The following PLAGL1 variants were observed in gnomAD, a reference collection of about 807,000 sequenced individuals.
PLAGL1 encodes the protein zinc finger protein PLAGL1.
A neutral mutation model predicts 4.6 loss-of-function variants in PLAGL1; 1 was observed. The ratio of observed to expected loss-of-function variants is 0.22; its 90% confidence interval spans 0.08 to 1.03. PLAGL1 has a LOEUF of 1.03. Ranked by LOEUF, PLAGL1 falls within the 50% of genes least tolerant of loss-of-function variation. The pLI is 0.58. For missense variants in PLAGL1, 464 were observed against 570.4 expected (o/e 0.81, Z 1.90); for synonymous variants, 240 against 237.8 (o/e 1.01, Z -0.08).
intron 1 of PLAGL1, among the ~76,000 whole-genome samples, chr6:144,041,497 A>G (rs1176781569): frequency 6.6e-6 from 1 of 152,134 alleles, no homozygotes; most frequent in Non-Finnish European, 1.5e-5. Flanking sequence ...CCATGTCCCT[A>G]AAAAGGACAT....
In PLAGL1 at chr6:143,954,285, G is replaced by A. The variant is rs1005913555; in HGVS notation, c.-324-5825C>T. On this transcript the variant is annotated intron_variant, in intron 6 of 7. Transcript: ENST00000674357. The surrounding 1 kb of genome is among the most constrained non-coding windows in gnomAD (Gnocchi z 5.1). The stretch of plus-strand genomic sequence containing the variant: ...TTAATAGGGAAAACTGACACAAAAA[G>A]TAACGGGGAAAAAAAGACTACGGGG... Among the ~76,000 whole-genome samples the A allele has an allele frequency of 2.0e-5, 3 of 151,976 alleles. No homozygotes were observed. Among genetic ancestry groups the A allele is most frequent in the African/African-American group, 4.8e-5 (2 of 41,394 alleles).
intron 1 of PLAGL1, among the ~76,000 whole-genome samples, chr6:144,033,577 A>T (rs886541706): frequency 6.6e-6 from 1 of 152,234 alleles, no homozygotes; most frequent in African/African-American, 2.4e-5. Context: ...AACTGCAGTA[A>T]GGATGATCTT....
Position 143,947,381 on chromosome 6 carries a change from T to C in PLAGL1, c.152+604A>G, listed in dbSNP as rs962516781. 4.6e-5 allele frequency among the ~76,000 whole-genome samples: 7 copies of C among 152,238 alleles called. No individual in the cohort carries two copies. Among genetic ancestry groups the C allele is most frequent in the Non-Finnish European group, 8.8e-5 (6 of 68,036 alleles). On this transcript the variant is annotated intron_variant, in intron 7 of 7. Transcript: ENST00000674357. The surrounding 1 kb of genome is among the most constrained non-coding windows in gnomAD (Gnocchi z 4.3). ...TTCAAATTATTATCTGAGTCCTCTT[T>C]CTAGGATACTAAACGAATCATATTT...
Position 144,021,162 on chromosome 6 carries a change from C to T in PLAGL1, c.-151+43306G>A, listed in dbSNP as rs370618995. 4.0e-4 allele frequency among the ~76,000 whole-genome samples: 61 copies of T among 152,012 alleles called. No homozygotes were observed. The South Asian group carries it at 4.6e-3, about 11-fold the overall frequency. On this transcript the variant is annotated intron_variant, in intron 1 of 3. Coordinates refer to the PLAGL1 transcript ENST00000437412. ...TGTAGAGCACAGAAACAGAACTAAACGGGTAAGAGGTCAAACCTATGCGGT... is the reference window on the plus strand; with the variant it reads ...TGTAGAGCACAGAAACAGAACTAAATGGGTAAGAGGTCAAACCTATGCGGT...
In PLAGL1 at chr6:143,968,014, A is replaced by AC. The variant is rs1554258939; in HGVS notation, c.-472+892_-472+893insG. The AC allele has an allele frequency of 2.1e-3, 315 of 151,608 alleles. 1 individual carries two copies. The highest frequency in any genetic ancestry group is 7.2e-3 in the African/African-American group (298 of 41,404). The allele number at this position is 151,608 out of a possible 1,614,324, so 9.4% of individuals were successfully genotyped here. On this transcript the variant is annotated intron_variant, in intron 3 of 7. Transcript: ENST00000674357. This position sits in a 1 kb window ranked among gnomAD's most constrained non-coding sequence, Gnocchi z 6.3. ...ACATTTTGCAAAAAAAAAAAAAAAA[A>AC]AAAACAGTCTGGAGAGAGGCCAAGA...
At position 143,994,608 on chromosome 6, in the gene PLAGL1, G is replaced by A. The variant is rs981006132; in HGVS notation, c.-583-9434C>T. ...ATTCGCAAAAAAATGTATGGAAGAT[G>A]ATGAGAGACAGCAGTGTGACCACTG... On this transcript the variant is annotated intron_variant, in intron 1 of 7. Coordinates refer to ENST00000674357, the MANE Select transcript of PLAGL1 (RefSeq NM_001317162.2). The surrounding 1 kb of genome is among the most constrained non-coding windows in gnomAD (Gnocchi z 4.3). Among the ~76,000 whole-genome samples, 1 of 152,184 alleles carries A rather than the reference G, an allele frequency of 6.6e-6. No individual in the cohort carries two copies. Among genetic ancestry groups the A allele is most frequent in the Non-Finnish European group, 1.5e-5 (1 of 68,032 alleles).
intron 1 of PLAGL1, among the ~76,000 whole-genome samples, chr6:144,029,540 C>G (rs1384431166): frequency 2.0e-5 from 3 of 152,212 alleles, no homozygotes; most frequent in Non-Finnish European, 4.4e-5. Flanking sequence ...GCTCTTAAGT[C>G]TATTAAAAGA....
chr6:144,020,831 TAATATAATATATATAA>T (rs1025768177), intron 1 of PLAGL1, among the ~76,000 whole-genome samples: 8 of 145,514 alleles, frequency 5.5e-5, no homozygotes, highest in African/African-American at 2.0e-4. Flanking sequence ...ATATTATATA[TAATATAATATATATAA>T]AATATAATTA....
In PLAGL1 at chr6:144,005,618, C is replaced by T. The variant is rs1794009092; in HGVS notation, c.-584+2472G>A. ...TTAGAAAAATATTCAGAATACATTTCATTAATAGTAGAGTATCTTAAGACA... is the reference window on the plus strand; with the variant it reads ...TTAGAAAAATATTCAGAATACATTTTATTAATAGTAGAGTATCTTAAGACA... On this transcript the variant is annotated intron_variant, in intron 1 of 7. Transcript: ENST00000674357. This position sits in a 1 kb window ranked among gnomAD's most constrained non-coding sequence, Gnocchi z 4.6. The T allele has an allele frequency of 1.3e-5, 2 of 152,076 alleles. No homozygotes were observed. Among genetic ancestry groups the T allele is most frequent in the South Asian group, 4.1e-4 (2 of 4,830 alleles). 9.4% of individuals were successfully genotyped at this position (152,076 alleles called of 1,614,324 possible).
chr6:144,021,649 T>A (rs1294121625), intron 1 of PLAGL1, among the ~76,000 whole-genome samples: 1 of 152,234 alleles, frequency 6.6e-6, no homozygotes, highest in Non-Finnish European at 1.5e-5. Context: ...ATTTGATTTT[T>A]CTCCTATTGT....
intron 1 of PLAGL1, among the ~76,000 whole-genome samples, chr6:144,028,235 T>C (rs1796519399): frequency 6.6e-6 from 1 of 152,226 alleles, no homozygotes; most frequent in Non-Finnish European, 1.5e-5. Context: ...CCAAAGTATA[T>C]TAGTATAAAA....
rs61246147 is a variant in PLAGL1, at chr6:143,996,825, A to C, written c.-584+11265T>G. 6.7e-3 allele frequency among the ~76,000 whole-genome samples: 1,016 copies of C among 152,294 alleles called. 44 individuals carry two copies. The East Asian group carries it at 0.11, about 17-fold the overall frequency. On this transcript the variant is annotated intron_variant, in intron 1 of 7. Coordinates refer to ENST00000674357, the MANE Select transcript of PLAGL1 (RefSeq NM_001317162.2). Reference sequence around the variant, plus strand: ...TCCTCAAAAGATTCTAGAGCAATTAAATCTCGATCCTGAAAAAAATTAACC... The same window carrying C: ...TCCTCAAAAGATTCTAGAGCAATTACATCTCGATCCTGAAAAAAATTAACC...
chr6:144,052,343 C>G (rs749945292), intron 1 of PLAGL1, among the ~76,000 whole-genome samples: 1 of 152,074 alleles, frequency 6.6e-6, no homozygotes, highest in Non-Finnish European at 1.5e-5. Context: ...CAATAAGGGT[C>G]CTTTAGAATT....
At position 144,039,888 on chromosome 6, in the gene PLAGL1, T is replaced by C. The variant is rs576732576; in HGVS notation, c.-151+24580A>G. ...GTCTATCAACAAGAAAATTAATACA[T>C]TGTGGCACATAATGGCATCCTTATG... On this transcript the variant is annotated intron_variant, in intron 1 of 3. Coordinates refer to the PLAGL1 transcript ENST00000437412. This position sits in a 1 kb window ranked among gnomAD's most constrained non-coding sequence, Gnocchi z 4.1. Among the ~76,000 whole-genome samples, 7 of 152,304 alleles carry C rather than the reference T, an allele frequency of 4.6e-5. No homozygotes were observed. Among genetic ancestry groups the C allele is most frequent in the Non-Finnish European group, 7.3e-5 (5 of 68,034 alleles).
chr6:144,049,694 C>G, intron 1 of PLAGL1, among the ~76,000 whole-genome samples: 1 of 152,134 alleles, frequency 6.6e-6, no homozygotes, highest in East Asian at 1.9e-4. Flanking sequence ...AGGTCTCTCC[C>G]TAGACATGTA....
chr6:144,045,570 T>C (rs1029051816), intron 1 of PLAGL1, among the ~76,000 whole-genome samples: 8 of 152,248 alleles, frequency 5.3e-5, no homozygotes, highest in Admixed American at 2.6e-4. Flanking sequence ...GTTTGTCTGA[T>C]GGGCTTCCCT....
chr6:143,945,395 G>T lies in PLAGL1; in HGVS notation c.152+2590C>A, dbSNP rs2128511599. Among the ~76,000 whole-genome samples the T allele has an allele frequency of 6.6e-6, 1 of 152,176 alleles. No homozygotes were observed. Among genetic ancestry groups the T allele is most frequent in the East Asian group, 1.9e-4 (1 of 5,176 alleles). ...TTCTTGCCTGTTATTGTCTCTAACT[G>T]GTTTCATTATATGCTGTACTGGGAC... On this transcript the variant is annotated intron_variant, in intron 7 of 7. Coordinates refer to ENST00000674357, the MANE Select transcript of PLAGL1 (RefSeq NM_001317162.2). This position sits in a 1 kb window ranked among gnomAD's most constrained non-coding sequence, Gnocchi z 4.2.
chr6:144,052,845 C>A lies in PLAGL1; in HGVS notation c.-151+11623G>T, dbSNP rs73781362. On this transcript the variant is annotated intron_variant, in intron 1 of 3. Transcript: ENST00000437412. ...ATTCTATCAACAATGTGTTTAAATTCTCCACATCCAGGATATATGCAACAT... is the reference window on the plus strand; with the variant it reads ...ATTCTATCAACAATGTGTTTAAATTATCCACATCCAGGATATATGCAACAT... 6.3e-3 allele frequency among the ~76,000 whole-genome samples: 965 copies of A among 152,202 alleles called. 11 individuals are homozygous for A. The highest frequency in any genetic ancestry group is 0.022 in the African/African-American group (906 of 41,520).
At position 143,945,963 on chromosome 6, in the gene PLAGL1, C is replaced by T. The variant is rs1352277066; in HGVS notation, c.152+2022G>A. 4.6e-5 allele frequency among the ~76,000 whole-genome samples: 7 copies of T among 152,166 alleles called. No individual in the cohort carries two copies. The highest frequency in any genetic ancestry group is 1.4e-4 in the African/African-American group (6 of 41,422). On this transcript the variant is annotated intron_variant, in intron 7 of 7. Transcript: ENST00000674357. This position sits in a 1 kb window ranked among gnomAD's most constrained non-coding sequence, Gnocchi z 4.2. ...TTAACTGAACAAGCCATTTTCCTTG[C>T]TAAGAACAACTACCTTCTAAACATG...
Sources: allele counts gnomAD v4.1 joint callset (sites outside exome capture counted in the v4.1 genomes callset), GRCh38; gene constraint gnomAD v4.1.1; non-coding constraint Gnocchi (gnomAD v3.1); transcripts MANE v1.5; gene names NCBI Gene and HGNC (gene_info 2026-07-23, HGNC 2026-07-21).